TFDP1: variants seen among roughly 807,000 people sequenced by gnomAD.
TFDP1 encodes the protein DRTF1-polypeptide 1.
TFDP1 carries 6 observed loss-of-function variants against 48.0 expected under a neutral mutation model. The observed-to-expected ratio is 0.13, with a 90% CI of 0.07 to 0.25. TFDP1 has a LOEUF of 0.25. TFDP1 is among the 10% of genes least tolerant of loss of function. The probability of loss-of-function intolerance (pLI) is 1.00; values close to 1 mark genes in which losing one functional copy is unlikely to be tolerated. For missense variants in TFDP1, 335 were observed against 543.0 expected (o/e 0.62, Z 3.81); for synonymous variants, 201 against 211.6 (o/e 0.95, Z 0.44).
Position 113,623,330 on chromosome 13 carries a change from G to C in TFDP1, c.186+44G>C, listed in dbSNP as rs1255706568. ...CGGACAGCCGGGATCTCGGTGTGAG[G>C]TCGGGATCGGATGAGCCGTGTGGTT... On this transcript the variant is annotated intron_variant, in intron 4 of 11. Coordinates refer to ENST00000375370, the MANE Select transcript of TFDP1 (RefSeq NM_007111.5). The surrounding 1 kb of genome is among the most constrained non-coding windows in gnomAD (Gnocchi z 5.2). 1 of 1,546,116 alleles carries C rather than the reference G, an allele frequency of 6.5e-7. No individual in the cohort carries two copies. The highest frequency in any genetic ancestry group is 1.4e-5 in the African/African-American group (1 of 73,260).
intron 1 of TFDP1, chr13:113,585,563 G>A (rs914723929): frequency 1.4e-5 from 5 of 347,624 alleles, no homozygotes; most frequent in Non-Finnish European, 2.7e-5. Flanking sequence ...GCGGGCCCGC[G>A]GGCCACTTTT....
intron 3 of TFDP1, among the ~76,000 whole-genome samples, chr13:113,615,600 C>G (rs1318224810): frequency 6.6e-6 from 1 of 152,176 alleles, no homozygotes; most frequent in African/African-American, 2.4e-5. Flanking sequence ...TGAGAATCTG[C>G]CCACACTGTT....
At position 113,613,107 on chromosome 13, in the gene TFDP1, C is replaced by G. The variant is rs542726526; in HGVS notation, c.79+2045C>G. Among the ~76,000 whole-genome samples the G allele has an allele frequency of 3.9e-5, 6 of 152,326 alleles. No homozygotes were observed. In the South Asian group the frequency reaches 1.2e-3, roughly 32 times the overall value. ...TCTCGGCTCACTGCAACCTCTGCCT[C>G]CCGGATTCAAGCGATTCTCCTGCCT... On this transcript the variant is annotated intron_variant, in intron 3 of 11. Coordinates refer to ENST00000375370, the MANE Select transcript of TFDP1 (RefSeq NM_007111.5).
rs759408968 is a variant in TFDP1 at position 113,585,862 on chromosome 13, G to T, written c.12+13G>T. 6.3e-7 allele frequency: 1 copy of T among 1,599,980 alleles called. No homozygotes were observed. Among genetic ancestry groups the T allele is most frequent in the Non-Finnish European group, 8.6e-7 (1 of 1,169,290 alleles). On this transcript the variant is annotated intron_variant, in intron 2 of 11. Coordinates refer to ENST00000375370, the MANE Select transcript of TFDP1 (RefSeq NM_007111.5). ...CATGGCAAAAGATGTAAGTATGTTT[G>T]CTTCATGCTGCACACGAATGTTTGC...
intron 4 of TFDP1, 148 bp from the exon 5 acceptor site, chr13:113,631,475 C>A: frequency 2.0e-6 from 2 of 989,858 alleles, no homozygotes; most frequent in Non-Finnish European, 2.8e-6. Context: ...AAAGCGTCCA[C>A]CGCTGGACGT....
intron 4 of TFDP1, among the ~76,000 whole-genome samples, chr13:113,629,059 G>A (rs112996868): frequency 0.025 from 3,771 of 152,284 alleles, 156 homozygotes; most frequent in African/African-American, 0.086. Flanking sequence ...GCTCCAGGCC[G>A]CCCCTGTGAT....
rs144781774 is a variant in TFDP1 at position 113,597,794 on chromosome 13, G to A, written c.12+11945G>A. Among the ~76,000 whole-genome samples the A allele has an allele frequency of 4.2e-3, 636 of 152,360 alleles. 5 individuals carry two copies. Among genetic ancestry groups the A allele is most frequent in the African/African-American group, 0.014 (598 of 41,578 alleles). On this transcript the variant is annotated intron_variant, in intron 2 of 11. Transcript: ENST00000375370. ...GGACGGCCATTGCCGTGTGTCCAAT[G>A]TGAGGGCTCTGAGCTCAGGAGCCAG...
intron 4 of TFDP1, among the ~76,000 whole-genome samples, chr13:113,628,299 G>T (rs929901795): frequency 6.6e-6 from 1 of 152,086 alleles, no homozygotes; most frequent in Non-Finnish European, 1.5e-5. Flanking sequence ...TGTAAAGACT[G>T]TGTCTGGAGC....
intron 3 of TFDP1, among the ~76,000 whole-genome samples, chr13:113,622,510 TGC>T: frequency 6.6e-6 from 1 of 152,382 alleles, no homozygotes; most frequent in East Asian, 1.9e-4. Context: ...TAGTTCTCTC[TGC>T]CCGCTGATGC....
intron 4 of TFDP1, among the ~76,000 whole-genome samples, chr13:113,630,989 C>T (rs977898886): frequency 6.6e-5 from 10 of 152,196 alleles, no homozygotes; most frequent in African/African-American, 2.4e-4. Flanking sequence ...GGTGGCCCTC[C>T]CTCCTTGCCT....
intron 3 of TFDP1, among the ~76,000 whole-genome samples, chr13:113,614,813 T>C (rs1427178333): frequency 6.6e-6 from 1 of 152,218 alleles, no homozygotes; most frequent in Non-Finnish European, 1.5e-5. Flanking sequence ...AGTGGGGCCG[T>C]CAGGGCGGAA....
chr13:113,603,229 T>C (rs2140350508), intron 2 of TFDP1, among the ~76,000 whole-genome samples: 1 of 152,338 alleles, frequency 6.6e-6, no homozygotes, highest in Middle Eastern at 3.4e-3. Flanking sequence ...GACCCCCTCA[T>C]GGGCCTTCGA....
At chr13:113,631,954 C>A in intron 5 of TFDP1, 1 of 619,280 alleles carries the variant, frequency 1.6e-6, no homozygotes, top group Non-Finnish European at 2.7e-6. Context: ...TCGGGCTGGG[C>A]ACCGCCCACC....
intron 3 of TFDP1, among the ~76,000 whole-genome samples, chr13:113,620,269 TG>T (rs1456666995): frequency 6.6e-6 from 1 of 152,194 alleles, no homozygotes; most frequent in Non-Finnish European, 1.5e-5. Context: ...CACTCCCTGA[TG>T]GGGCAGGAAA....
At chr13:113,605,421 T>C (rs994396282) in intron 2 of TFDP1, among the ~76,000 whole-genome samples, 31 of 152,248 alleles carry the variant, frequency 2.0e-4, no homozygotes, top group Non-Finnish European at 4.4e-5. Flanking sequence ...ACTTATCTAT[T>C]GCTGTGAAAC....
intron 3 of TFDP1, among the ~76,000 whole-genome samples, chr13:113,618,429 G>A (rs1194145192): frequency 2.6e-5 from 4 of 152,192 alleles, no homozygotes; most frequent in Admixed American, 1.3e-4. Flanking sequence ...GGCTGAGGTG[G>A]GAGGATCCCT....
intron 2 of TFDP1, among the ~76,000 whole-genome samples, chr13:113,591,117 G>A (rs1029985826): frequency 3.3e-5 from 5 of 151,886 alleles, no homozygotes; most frequent in Non-Finnish European, 7.4e-5. Flanking sequence ...CAAGGCGGGT[G>A]GATCACCTGA....
intron 2 of TFDP1, among the ~76,000 whole-genome samples, chr13:113,588,556 T>C (rs1470814511): frequency 7.2e-5 from 11 of 152,162 alleles, no homozygotes. Context: ...TGAACAGCAG[T>C]TGACAGGCAG....
chr13:113,637,336 C>CGTA, intron 10 of TFDP1: 1 of 292,868 alleles, frequency 3.4e-6, no homozygotes. Flanking sequence ...TCAGAGATTC[C>CGTA]TCCCTGAGCT....
Sources: gnomAD v4.1 joint callset for allele counts (sites outside exome capture counted in the v4.1 genomes callset) on GRCh38, gnomAD v4.1.1 for gene constraint, Gnocchi (gnomAD v3.1) non-coding constraint, MANE v1.5 for transcripts, NCBI Gene and HGNC (gene_info 2026-07-23, HGNC 2026-07-21) for gene names.